DNAJC24: variants seen among roughly 807,000 people sequenced by gnomAD.
DNAJC24 encodes DnaJ heat shock protein family (Hsp40) member C24.
DNAJC24 carries 17 observed loss-of-function variants against 18.0 expected under a neutral mutation model. That is an observed-to-expected ratio of 0.94 (90% CI 0.65 to 1.42). The LOEUF (loss-of-function observed/expected upper bound fraction) is 1.42, where lower values mean the gene tolerates loss of function less well. Ranked by LOEUF, DNAJC24 falls within the 40% of genes most tolerant of loss-of-function variation. DNAJC24 has a pLI of 0.00. For synonymous variants in DNAJC24, 55 were observed against 57.7 expected (o/e 0.95, Z 0.21); for missense variants, 158 against 175.6 (o/e 0.90, Z 0.57).
intron 2 of DNAJC24, among the ~76,000 whole-genome samples, chr11:31,395,044 C>A (rs1008037607): frequency 1.3e-5 from 2 of 152,152 alleles, no homozygotes; most frequent in African/African-American, 2.4e-5. Context: ...CCTCCACTCT[C>A]AAGTAGGAAC....
chr11:31,403,349 A>G (rs140954528), intron 2 of DNAJC24, among the ~76,000 whole-genome samples: 296 of 152,178 alleles, frequency 1.9e-3, no homozygotes, highest in African/African-American at 6.8e-3. Flanking sequence ...TAAAGACCCA[A>G]CCTCCTCTAT....
chr11:31,425,663 C>T (rs1490230855), intron 3 of DNAJC24, among the ~76,000 whole-genome samples: 1 of 152,098 alleles, frequency 6.6e-6, no homozygotes, highest in East Asian at 1.9e-4. Context: ...TAGAACCCCA[C>T]TTTTATGACT....
At chr11:31,394,521 GT>G (rs140700563) in intron 2 of DNAJC24, among the ~76,000 whole-genome samples, 2,999 of 149,186 alleles carry the variant, frequency 0.02, 86 homozygotes, top group African/African-American at 0.069. Context: ...CCACCACACT[GT>G]TTTTTTTTCA....
At position 31,430,335 on chromosome 11, in the gene DNAJC24, GGAA is replaced by G. The variant is rs1952908350; in HGVS notation, c.389_391del (p.Glu130del). On this transcript the variant is annotated inframe_deletion, in exon 5 of 5. Transcript: ENST00000465995. ...AATACAGTGTTTCCAAGGATGAAGC[GGAA>G]GAAGTTAGCCTGATTTCTTGTGATA... The G allele has an allele frequency of 3.1e-6, 5 of 1,611,250 alleles. No individual in the cohort carries two copies. The East Asian group carries it at 1.1e-4, about 36-fold the overall frequency.
chr11:31,390,833 G>A (rs1307467780), intron 2 of DNAJC24, among the ~76,000 whole-genome samples: 7 of 151,524 alleles, frequency 4.6e-5, no homozygotes, highest in Admixed American at 1.3e-4. Context: ...CTGAAAAATA[G>A]AGGAAGAGAA....
At chr11:31,428,816 A>G (rs1467983863) in intron 4 of DNAJC24, among the ~76,000 whole-genome samples, 2 of 152,180 alleles carry the variant, frequency 1.3e-5, no homozygotes, top group East Asian at 3.8e-4. Context: ...TTGATGGTAT[A>G]ATAATATAAG....
At chr11:31,414,280 C>T (rs1470041795) in intron 2 of DNAJC24, among the ~76,000 whole-genome samples, 1 of 152,064 alleles carries the variant, frequency 6.6e-6, no homozygotes, top group Non-Finnish European at 1.5e-5. Context: ...GGATTTATAA[C>T]TTTATAATCT....
intron 3 of DNAJC24, chr11:31,417,158 A>G (rs1591919532): frequency 6.7e-6 from 1 of 148,262 alleles, no homozygotes; most frequent in African/African-American, 2.6e-5. Flanking sequence ...AGATTTAAGT[A>G]CTAAGTATTG....
At chr11:31,378,026 T>A (rs944372670) in intron 2 of DNAJC24, among the ~76,000 whole-genome samples, 1 of 152,102 alleles carries the variant, frequency 6.6e-6, no homozygotes, top group Non-Finnish European at 1.5e-5. Flanking sequence ...TCCACTTTAA[T>A]GTCTTGAAAA....
chr11:31,411,917 A>G (rs1952714207), intron 2 of DNAJC24, among the ~76,000 whole-genome samples: 1 of 152,184 alleles, frequency 6.6e-6, no homozygotes, highest in African/African-American at 2.4e-5. Flanking sequence ...TTGCTGTCAA[A>G]ACACATTGGA....
At chr11:31,428,312 A>T (rs1952885298) in intron 4 of DNAJC24, among the ~76,000 whole-genome samples, 1 of 152,196 alleles carries the variant, frequency 6.6e-6, no homozygotes, top group Admixed American at 6.5e-5. Context: ...AGGTTTTCAT[A>T]ACTAAAGATG....
rs951355104 is a variant in DNAJC24 at position 31,432,447 on chromosome 11, A to G, written c.*2046A>G. 1.6e-6 allele frequency: 2 copies of G among 1,242,934 alleles called. No homozygotes were observed. The highest frequency in any genetic ancestry group is 3.0e-5 in the African/African-American group (2 of 67,478). 77.0% of individuals were successfully genotyped at this position (1,242,934 alleles called of 1,614,324 possible). ...GTAAGTACACGGTTTCAACGGGAGT[A>G]ATAAATTCACATGAAAAGGAGACAA... On this transcript the variant is annotated 3_prime_UTR_variant, in exon 5 of 5. Transcript: ENST00000465995.
Position 31,422,256 on chromosome 11 carries a change from T to A in DNAJC24, c.251-4031T>A. On this transcript the variant is annotated intron_variant, in intron 3 of 4. Coordinates refer to ENST00000465995, the MANE Select transcript of DNAJC24 (RefSeq NM_181706.5). ...TTGTTTCCATATTTGGCTAAGCTTG[T>A]AAGCACAGCACAGGGTATGAACAGA... 1.5e-5 allele frequency: 3 copies of A among 199,112 alleles called. No homozygotes were observed. In the South Asian group the frequency reaches 2.4e-4, roughly 16 times the overall value. 12.3% of individuals were successfully genotyped at this position (199,112 alleles called of 1,614,324 possible).
intron 2 of DNAJC24, among the ~76,000 whole-genome samples, chr11:31,394,153 A>G (rs892882782): frequency 6.6e-6 from 1 of 152,202 alleles, no homozygotes; most frequent in Non-Finnish European, 1.5e-5. Context: ...TAGGAACACT[A>G]ACCAACACTT....
intron 2 of DNAJC24, among the ~76,000 whole-genome samples, chr11:31,395,965 C>T (rs1387595808): frequency 6.6e-6 from 1 of 152,134 alleles, no homozygotes; most frequent in African/African-American, 2.4e-5. Context: ...TAGCTTTTTC[C>T]ACTCATCCAG....
At chr11:31,379,247 C>A (rs752456380) in intron 2 of DNAJC24, among the ~76,000 whole-genome samples, 2 of 152,120 alleles carry the variant, frequency 1.3e-5, no homozygotes, top group African/African-American at 4.8e-5. Flanking sequence ...AGCTCTGCAT[C>A]CTGTCAGATC....
chr11:31,388,733 G>A (rs915671599), intron 2 of DNAJC24, among the ~76,000 whole-genome samples: 1 of 152,130 alleles, frequency 6.6e-6, no homozygotes, highest in South Asian at 2.1e-4. Flanking sequence ...TGTAGTTGTG[G>A]TAGGTAAACT....
rs1317671186 is a variant in DNAJC24 at position 31,430,835 on chromosome 11, T to G, written c.*434T>G. ...GTTGTACACCTAGAATCTTTGTGAA[T>G]AATGTGAGGCCAGTTCTTCCATAAG... On this transcript the variant is annotated 3_prime_UTR_variant, in exon 5 of 5. Transcript: ENST00000465995. The G allele has an allele frequency of 6.6e-6, 1 of 152,628 alleles. No homozygotes were observed. Among genetic ancestry groups the G allele is most frequent in the African/African-American group, 2.4e-5 (1 of 41,434 alleles). The allele number at this position is 152,628 out of a possible 1,614,324, so 9.5% of individuals were successfully genotyped here. A position where few individuals can be genotyped will look rare whatever the true frequency, so the allele number is the denominator to read the frequency against.
chr11:31,370,683 C>A, intron 1 of DNAJC24, 33 bp from the exon 2 acceptor site: 1 of 1,100,368 alleles, frequency 9.1e-7, no homozygotes, highest in Non-Finnish European at 1.3e-6. Flanking sequence ...ACATGGCAAA[C>A]TGTGATGAAT....
Sources: gnomAD v4.1 joint callset for allele counts (sites outside exome capture counted in the v4.1 genomes callset) on GRCh38, gnomAD v4.1.1 for gene constraint, MANE v1.5 for transcripts, NCBI Gene and HGNC (gene_info 2026-07-23, HGNC 2026-07-21) for gene names.